Variants in HDAC4 observed in about 807,000 individuals in gnomAD.
The protein encoded by HDAC4 is histone deacetylase 4, also known as histone deacetylase A.
A neutral mutation model predicts 135.1 loss-of-function variants in HDAC4; 16 were observed. That is an observed-to-expected ratio of 0.12 (90% CI 0.08 to 0.18). The LOEUF is 0.18. Ranked by LOEUF, HDAC4 falls within the 10% of genes least tolerant of loss-of-function variation. The pLI is 1.00. For synonymous variants in HDAC4, 685 were observed against 653.4 expected (o/e 1.05, Z -0.74); for missense variants, 1,143 against 1,511.8 (o/e 0.76, Z 4.05).
chr2:239,079,387 TGCCGGAGCAGCCAAGCA>T (rs1466867660), intron 22 of HDAC4, among the ~76,000 whole-genome samples: 1 of 152,208 alleles, frequency 6.6e-6, no homozygotes, highest in Non-Finnish European at 1.5e-5. Flanking sequence ...CCGGGCTCAC[TGCCGGAGCAGCCAAGCA>T]GCCTGGGCTC....
chr2:239,125,486 G>A lies in HDAC4; in HGVS notation c.1533+970C>T, dbSNP rs867573665. Among the ~76,000 whole-genome samples the A allele has an allele frequency of 2.0e-5, 3 of 152,280 alleles. No individual in the cohort carries two copies. In the East Asian group the frequency reaches 5.8e-4, roughly 29 times the overall value. ...TTTTCTTATGAATCACGCAGTCTGA[G>A]GTATTTCTCTACAGCAGTGCAGGAA... On this transcript the variant is annotated intron_variant, in intron 12 of 26. Coordinates refer to ENST00000543185, the MANE Select transcript of HDAC4 (RefSeq NM_001378414.1).
chr2:239,137,382 C>T (rs984010007), intron 9 of HDAC4, among the ~76,000 whole-genome samples: 4 of 152,176 alleles, frequency 2.6e-5, no homozygotes, highest in African/African-American at 7.2e-5. Context: ...CGCACCTGGG[C>T]GACTTCCTCT....
chr2:239,199,444 A>G (rs564304738), intron 3 of HDAC4, among the ~76,000 whole-genome samples: 3 of 152,322 alleles, frequency 2.0e-5, no homozygotes, highest in African/African-American at 7.2e-5. Context: ...ATCCAAGATC[A>G]ACTATCTTGT....
chr2:239,378,441 G>A (rs879701013), intron 1 of HDAC4, among the ~76,000 whole-genome samples: 4 of 152,118 alleles, frequency 2.6e-5, no homozygotes, highest in Admixed American at 6.5e-5. Context: ...CTGACACTGC[G>A]CCAGGGCTGG....
At chr2:239,094,977 A>G in intron 17 of HDAC4, 33 bp downstream of exon 17, 1 of 1,613,798 alleles carries the variant, frequency 6.2e-7, no homozygotes, top group Non-Finnish European at 8.5e-7. Flanking sequence ...GAGAAGAAAC[A>G]GGACATTATT....
At chr2:239,102,202 A>T (rs1288555774) in intron 16 of HDAC4, among the ~76,000 whole-genome samples, 2 of 151,996 alleles carry the variant, frequency 1.3e-5, no homozygotes, top group Non-Finnish European at 2.9e-5. Context: ...GAACACTGGA[A>T]GCCCCATGGA....
At chr2:239,356,836 G>A (rs1032164532) in intron 1 of HDAC4, among the ~76,000 whole-genome samples, 1 of 151,978 alleles carries the variant, frequency 6.6e-6, no homozygotes, top group African/African-American at 2.4e-5. Context: ...AGTCTATACC[G>A]AGACCTCAGA....
intron 2 of HDAC4, among the ~76,000 whole-genome samples, chr2:239,346,611 TACAC>T (rs1692696678): frequency 7.5e-6 from 1 of 133,304 alleles, no homozygotes. Context: ...AAAACACACA[TACAC>T]ACCTTAACAC....
chr2:239,106,323 C>A (rs1485696408), intron 15 of HDAC4, among the ~76,000 whole-genome samples: 2 of 152,180 alleles, frequency 1.3e-5, no homozygotes, highest in Non-Finnish European at 2.9e-5. Flanking sequence ...CTCAGCGGAA[C>A]CTCCTGGGGG....
chr2:239,083,827 C>A (rs1015453217), intron 20 of HDAC4, among the ~76,000 whole-genome samples: 1 of 152,178 alleles, frequency 6.6e-6, no homozygotes, highest in African/African-American at 2.4e-5. Flanking sequence ...GGCTCCCAGG[C>A]CACACACGCA....
rs1044206324 is a variant in HDAC4 at position 239,303,045 on chromosome 2, C to A, written c.22+49633G>T. Among the ~76,000 whole-genome samples the A allele has an allele frequency of 1.3e-5, 2 of 152,198 alleles. No homozygotes were observed. Among genetic ancestry groups the A allele is most frequent in the African/African-American group, 2.4e-5 (1 of 41,460 alleles). On this transcript the variant is annotated intron_variant, in intron 2 of 26. Coordinates refer to ENST00000543185, the MANE Select transcript of HDAC4 (RefSeq NM_001378414.1). This position sits in a 1 kb window ranked among gnomAD's most constrained non-coding sequence, Gnocchi z 5.1. ...CTGCCACCTCGGGAGTCCTCAAACC[C>A]CCCCCGGGTGGGAGAGGTCATCACC...
rs185118930 is a variant in HDAC4 at position 239,064,877 on chromosome 2, C to A, written c.3003+1845G>T. On this transcript the variant is annotated intron_variant, in intron 24 of 26. Coordinates refer to ENST00000543185, the MANE Select transcript of HDAC4 (RefSeq NM_001378414.1). ...GTGCTGGCCACCTCGAGGCCCACTG[C>A]GCATGCTGAGGCCACTCACAGACAG... Among the ~76,000 whole-genome samples the A allele has an allele frequency of 2.6e-5, 4 of 152,332 alleles. No individual in the cohort carries two copies. The East Asian group carries it at 7.7e-4, about 29-fold the overall frequency.
intron 24 of HDAC4, among the ~76,000 whole-genome samples, chr2:239,062,961 G>C (rs1319589871): frequency 6.6e-6 from 1 of 152,076 alleles, no homozygotes; most frequent in African/African-American, 2.4e-5. Context: ...CAGGCTGCAG[G>C]TCCCAAGGGG....
intron 3 of HDAC4, among the ~76,000 whole-genome samples, chr2:239,214,311 C>A (rs1293160163): frequency 6.6e-6 from 1 of 152,160 alleles, no homozygotes; most frequent in Non-Finnish European, 1.5e-5. Context: ...TGTCTGCATA[C>A]CTCCTCTGAC....
At position 239,115,951 on chromosome 2, in the gene HDAC4, G is replaced by C. The variant is rs2039096157; in HGVS notation, c.1534-641C>G. ...GACCTCCTTTCTTGCAGGATTCCAT[G>C]GGTGCTCCATGACCTGCCCCGCTAT... On this transcript the variant is annotated intron_variant, in intron 12 of 26. Transcript: ENST00000543185. The surrounding 1 kb of genome is among the most constrained non-coding windows in gnomAD (Gnocchi z 6.3). Among the ~76,000 whole-genome samples, 1 of 152,116 alleles carries C rather than the reference G, an allele frequency of 6.6e-6. No individual in the cohort carries two copies. Among genetic ancestry groups the C allele is most frequent in the Non-Finnish European group, 1.5e-5 (1 of 68,020 alleles).
rs145968145 is a variant in HDAC4, at chr2:239,283,888, G to A, written c.23-47224C>T. Among the ~76,000 whole-genome samples, 425 of 152,358 alleles carry A rather than the reference G, an allele frequency of 2.8e-3. 1 individual carries two copies. The highest frequency in any genetic ancestry group is 5.1e-3 in the Admixed American group (78 of 15,314). On this transcript the variant is annotated intron_variant, in intron 2 of 26. Coordinates refer to ENST00000543185, the MANE Select transcript of HDAC4 (RefSeq NM_001378414.1). ...TCTGGCTTGAATGCCTGGGCTGACT[G>A]GAGGGGCCATGTAGTGCCGGGGAGA...
chr2:239,271,020 T>C (rs2050028461), intron 2 of HDAC4, among the ~76,000 whole-genome samples: 1 of 152,228 alleles, frequency 6.6e-6, no homozygotes, highest in African/African-American at 2.4e-5. Context: ...GTTTATCTGA[T>C]AGACACACAA....
chr2:239,248,330 G>A (rs1348861302), intron 2 of HDAC4, among the ~76,000 whole-genome samples: 2 of 151,928 alleles, frequency 1.3e-5, no homozygotes, highest in Non-Finnish European at 2.9e-5. Context: ...ACAGGCGCCG[G>A]CCACCACGCC....
chr2:239,069,732 A>G (rs1368585777), intron 22 of HDAC4, among the ~76,000 whole-genome samples: 3 of 131,070 alleles, frequency 2.3e-5, no homozygotes, highest in South Asian at 2.7e-4. Flanking sequence ...GCCCCACTGC[A>G]CTTGCTTGGT....
Sources: gnomAD v4.1 joint callset for allele counts (sites outside exome capture counted in the v4.1 genomes callset) on GRCh38, gnomAD v4.1.1 for gene constraint, Gnocchi (gnomAD v3.1) non-coding constraint, MANE v1.5 for transcripts, NCBI Gene and HGNC (gene_info 2026-07-23, HGNC 2026-07-21) for gene names.